ANK2: variants seen among roughly 807,000 people sequenced by gnomAD.
ANK2 encodes ankyrin-2.
ANK2 carries 83 observed loss-of-function variants against 360.5 expected under a neutral mutation model. That is an observed-to-expected ratio of 0.23 (90% CI 0.19 to 0.28). ANK2 has a LOEUF of 0.28. Ranked by LOEUF, ANK2 falls within the 10% of genes least tolerant of loss-of-function variation. The pLI, the probability that ANK2 is intolerant of heterozygous loss-of-function variation, is 1.00. For synonymous variants in ANK2, 1,740 were observed against 1,759.5 expected (o/e 0.99, Z 0.28); for missense variants, 4,201 against 4,795.7 (o/e 0.88, Z 3.66).
At chr4:113,035,525 G>A (rs1012048850) in intron 2 of ANK2, among the ~76,000 whole-genome samples, 1 of 151,862 alleles carries the variant, frequency 6.6e-6, no homozygotes, top group Non-Finnish European at 1.5e-5. Context: ...TGATCATACT[G>A]TATTTTGATT....
intron 2 of ANK2, among the ~76,000 whole-genome samples, chr4:112,909,621 A>G (rs934446873): frequency 6.6e-6 from 1 of 152,210 alleles, no homozygotes; most frequent in African/African-American, 2.4e-5. Flanking sequence ...ATGAAAAAAG[A>G]TGAAAATGAA....
chr4:112,738,858 A>G, the ANK2 span: 3 of 649,276 alleles, frequency 4.6e-6, no homozygotes, highest in African/African-American at 5.4e-5. Context: ...TTATGGGAGC[A>G]ACAACAACAA....
chr4:112,865,972 T>TAC lies in ANK2; in HGVS notation c.-39-38467_-39-38466dup, dbSNP rs142913427. On this transcript the variant is annotated intron_variant, in intron 1 of 30. Transcript: ENST00000503271. ...TGTTTTGTGTGAAATAAAGATTTGT[T>TAC]ACACACACACACACACAGCCTTACT... Among the ~76,000 whole-genome samples, 331 of 151,036 alleles carry TAC rather than the reference T, an allele frequency of 2.2e-3. 5 individuals are homozygous for TAC. In the South Asian group the frequency reaches 0.034, roughly 16 times the overall value.
chr4:113,100,603 C>T (rs1231903593), intron 1 of ANK2, among the ~76,000 whole-genome samples: 1 of 152,032 alleles, frequency 6.6e-6, no homozygotes, highest in Admixed American at 6.6e-5. Context: ...TCTTACTGTA[C>T]AATCTAGTGA....
At chr4:113,316,658 T>C (rs1041073452) in intron 24 of ANK2, among the ~76,000 whole-genome samples, 3 of 152,244 alleles carry the variant, frequency 2.0e-5, no homozygotes, top group Non-Finnish European at 4.4e-5. Context: ...GGCTAATATT[T>C]TGAACACAGA....
intron 2 of ANK2, among the ~76,000 whole-genome samples, chr4:113,039,935 G>A (rs2062546119): frequency 2.0e-5 from 3 of 151,764 alleles, no homozygotes; most frequent in Admixed American, 2.0e-4. Context: ...TGGGCCCGGA[G>A]TTTTTCTTTT....
At chr4:112,803,703 A>C in the ANK2 span, among the ~76,000 whole-genome samples, 3 of 152,218 alleles carry the variant, frequency 2.0e-5, no homozygotes, top group Non-Finnish European at 4.4e-5. Context: ...ACTATTGTTT[A>C]TCTAAATTCA....
intron 1 of ANK2, among the ~76,000 whole-genome samples, chr4:113,088,092 C>T (rs1581194814): frequency 6.6e-6 from 1 of 152,188 alleles, no homozygotes; most frequent in South Asian, 2.1e-4. Context: ...CATAATCAAT[C>T]CATAAGTGTT....
At chr4:112,879,820 T>C (rs1028611174) in intron 1 of ANK2, among the ~76,000 whole-genome samples, 3 of 152,158 alleles carry the variant, frequency 2.0e-5, no homozygotes, top group South Asian at 2.1e-4. Context: ...TTTGCACTTA[T>C]CTACCCAGTG....
chr4:112,794,962 C>T, the ANK2 span, among the ~76,000 whole-genome samples: 1 of 152,144 alleles, frequency 6.6e-6, no homozygotes, highest in South Asian at 2.1e-4. Flanking sequence ...AAGATGATAA[C>T]ATGTTTGTTA....
At chr4:113,167,361 G>A (rs2097784034) in intron 1 of ANK2, among the ~76,000 whole-genome samples, 1 of 151,282 alleles carries the variant, frequency 6.6e-6, no homozygotes, top group Non-Finnish European at 1.5e-5. Flanking sequence ...GAGTGCAGTG[G>A]TGATCTTGGC....
At chr4:113,023,419 A>T (rs776458164) in intron 2 of ANK2, among the ~76,000 whole-genome samples, 1 of 152,008 alleles carries the variant, frequency 6.6e-6, no homozygotes, top group Non-Finnish European at 1.5e-5. Context: ...CATCTTTCTC[A>T]TGCCCATCAT....
the ANK2 span, among the ~76,000 whole-genome samples, chr4:112,711,168 ACGCCTGTAATCC>A: frequency 6.7e-6 from 1 of 149,346 alleles, no homozygotes; most frequent in Admixed American, 6.7e-5. Flanking sequence ...ACAGTGGCTC[ACGCCTGTAATCC>A]TAGCACACTG....
At chr4:113,264,479 T>C (rs964823040) in intron 13 of ANK2, among the ~76,000 whole-genome samples, 1 of 152,156 alleles carries the variant, frequency 6.6e-6, no homozygotes. Context: ...GTATCCTGGA[T>C]GTTCGGATAA....
chr4:113,330,520 C>A lies in ANK2; in HGVS notation c.3125+50C>A, dbSNP rs559883005. 3 of 1,573,634 alleles carry A rather than the reference C, an allele frequency of 1.9e-6. No individual in the cohort carries two copies. In the East Asian group the frequency reaches 6.7e-5, roughly 35 times the overall value. On this transcript the variant is annotated intron_variant, in intron 27 of 45. Transcript: ENST00000357077. ...ACTTAGTCATCGATGAGCTTGTGTC[C>A]TCTACATGAAATCACTAGGATGGAA...
chr4:112,738,207 C>T, the ANK2 span, among the ~76,000 whole-genome samples: 5 of 151,940 alleles, frequency 3.3e-5, no homozygotes, highest in Non-Finnish European at 4.4e-5. Flanking sequence ...GTCAGGAGTT[C>T]GAGACCAGCC....
At position 113,175,898 on chromosome 4, in the gene ANK2, A is replaced by G. The variant is rs28504410; in HGVS notation, c.186+1381A>G. On this transcript the variant is annotated intron_variant, in intron 2 of 45. Coordinates refer to ENST00000357077, the MANE Select transcript of ANK2 (RefSeq NM_001148.6). ...CGTGAAAACATGTTGAGAGCTACTT[A>G]ATGTTGGGAAAGGCATTCTGCTGTG... Among the ~76,000 whole-genome samples, 464 of 152,242 alleles carry G rather than the reference A, an allele frequency of 3.0e-3. 3 individuals are homozygous for G. The highest frequency in any genetic ancestry group is 0.011 in the African/African-American group (449 of 41,524).
the ANK2 span, among the ~76,000 whole-genome samples, chr4:112,735,877 T>C: frequency 6.6e-6 from 1 of 152,206 alleles, no homozygotes; most frequent in Non-Finnish European, 1.5e-5. Context: ...TACTGTTCTT[T>C]ATATTTCTAT....
rs2079933598 is a variant in ANK2 at position 113,311,503 on chromosome 4, A to G, written c.2693+104A>G. On this transcript the variant is annotated intron_variant, in intron 24 of 45. Transcript: ENST00000357077. ...TGCAATTATTGAGCATTTAATAGGT[A>G]CCTTATTAATCTCAGCAGTTAGCAT... 2.2e-6 allele frequency: 3 copies of G among 1,378,844 alleles called. No homozygotes were observed. In the Admixed American group the frequency reaches 5.7e-5, roughly 26 times the overall value. The allele number at this position is 1,378,844 out of a possible 1,614,324, so 85.4% of individuals were successfully genotyped here.
Sources: gnomAD v4.1 joint callset for allele counts (sites outside exome capture counted in the v4.1 genomes callset) on GRCh38, gnomAD v4.1.1 for gene constraint, MANE v1.5 for transcripts, NCBI Gene and HGNC (gene_info 2026-07-23, HGNC 2026-07-21) for gene names.